Variants in IDNK observed in about 807,000 individuals in gnomAD.
IDNK encodes IDNK gluconokinase, also known as gluconokinase.
A neutral mutation model predicts 13.0 loss-of-function variants in IDNK; 9 were observed. That is an observed-to-expected ratio of 0.69 (90% CI 0.42 to 1.21). IDNK has a LOEUF of 1.21. Among genes scored for constraint, IDNK ranks in the 50% most tolerant of loss-of-function variants. The pLI is 0.00. For synonymous variants in IDNK, 92 were observed against 94.9 expected, an observed-to-expected ratio of 0.97 and a Z score of 0.18; for missense variants, 210 against 237.8, an observed-to-expected ratio of 0.88 and a Z score of 0.77.
intron 1 of IDNK, chr9:83,626,553 G>T: frequency 2.2e-6 from 1 of 459,696 alleles, no homozygotes; most frequent in South Asian, 1.6e-5. Flanking sequence ...AGTAACTGGG[G>T]TTACAGGCGT....
At chr9:83,631,451 G>GAAAAAAAA (rs57832482) in intron 3 of IDNK, among the ~76,000 whole-genome samples, 6,973 of 56,502 alleles carry the variant, frequency 0.12, 1,124 homozygotes, top group East Asian at 0.39. Flanking sequence ...TACAAAAACT[G>GAAAAAAAA]AAAAAAAAAA....
intron 1 of IDNK, among the ~76,000 whole-genome samples, chr9:83,627,853 C>CAAAAAAAAAA (rs149062579): frequency 1.4e-5 from 1 of 73,954 alleles, no homozygotes. Context: ...ATCCCCACCA[C>CAAAAAAAAAA]AAAAAAAAAA....
rs377312150 is a variant in IDNK at position 83,623,437 on chromosome 9, G to A, written c.50+216G>A. 1.3e-4 allele frequency: 70 copies of A among 555,432 alleles called. No homozygotes were observed. The Middle Eastern group carries it at 1.6e-3, about 13-fold the overall frequency. The allele number at this position is 555,432 out of a possible 1,614,324, so 34.4% of individuals were successfully genotyped here. ...ATCCTGGGACCGCATCCGAGCTCCG[G>A]GTTCCCGCTCTAAGACGGGGAGGCT... On this transcript the variant is annotated intron_variant, in intron 1 of 4. Coordinates refer to ENST00000376419, the MANE Select transcript of IDNK (RefSeq NM_001001551.4).
chr9:83,623,389 T>C, intron 1 of IDNK, 168 bp downstream of exon 1: 1 of 652,634 alleles, frequency 1.5e-6, no homozygotes, highest in Admixed American at 3.0e-5. Context: ...CTCCCCGCCC[T>C]CCAGCCTGCT....
intron 3 of IDNK, among the ~76,000 whole-genome samples, chr9:83,639,444 G>A (rs1228658861): frequency 2.6e-5 from 4 of 152,126 alleles, no homozygotes; most frequent in Admixed American, 6.5e-5. Context: ...AAAACAAACT[G>A]GGCACATGTT....
chr9:83,634,531 T>C (rs1414193020), intron 3 of IDNK, among the ~76,000 whole-genome samples: 1 of 152,238 alleles, frequency 6.6e-6, no homozygotes, highest in Non-Finnish European at 1.5e-5. Context: ...AAATATGTTT[T>C]CTGTAATTTT....
intron 3 of IDNK, among the ~76,000 whole-genome samples, chr9:83,634,713 G>A (rs1831117803): frequency 6.6e-6 from 1 of 152,198 alleles, no homozygotes. Flanking sequence ...CAGATGGAAT[G>A]GCGGAATGTA....
At chr9:83,632,495 C>T (rs780369687) in intron 3 of IDNK, among the ~76,000 whole-genome samples, 1 of 137,558 alleles carries the variant, frequency 7.3e-6, no homozygotes, top group African/African-American at 2.7e-5. Context: ...CTGGGCCACA[C>T]TGGAAGAAGA....
intron 3 of IDNK, among the ~76,000 whole-genome samples, chr9:83,634,079 C>CTG: frequency 6.6e-6 from 1 of 152,348 alleles, no homozygotes; most frequent in East Asian, 1.9e-4. Context: ...AATTTCTACA[C>CTG]TGGCGCTGCC....
At position 83,624,090 on chromosome 9, in the gene IDNK, C is replaced by G. The variant is rs188889813; in HGVS notation, c.50+869C>G. ...ATTTACTCCAGGTAGATGGGTTTTGCTTTCCAAAATTATTGTAGGGTTCTC... is the reference window on the plus strand; with the variant it reads ...ATTTACTCCAGGTAGATGGGTTTTGGTTTCCAAAATTATTGTAGGGTTCTC... On this transcript the variant is annotated intron_variant, in intron 1 of 4. Transcript: ENST00000376419. Among the ~76,000 whole-genome samples, 85 of 152,282 alleles carry G rather than the reference C, an allele frequency of 5.6e-4. 1 individual carries two copies. Among genetic ancestry groups the G allele is most frequent in the African/African-American group, 2.0e-3 (82 of 41,562 alleles).
chr9:83,628,001 GA>G, intron 1 of IDNK, 179 bp from the exon 2 acceptor site: 1 of 1,389,820 alleles, frequency 7.2e-7, no homozygotes, highest in Non-Finnish European at 9.3e-7. Context: ...CATTCGTGGG[GA>G]TCAGCTAAGG....
In IDNK at chr9:83,628,168, G is replaced by A. The variant is rs1039133120; in HGVS notation, c.51-13G>A. 1.9e-6 allele frequency: 3 copies of A among 1,550,394 alleles called. No individual in the cohort carries two copies. Among genetic ancestry groups the A allele is most frequent in the South Asian group, 1.2e-5 (1 of 84,068 alleles). On this transcript the variant is annotated splice_polypyrimidine_tract_variant and intron_variant, in intron 1 of 4. Coordinates refer to ENST00000376419, the MANE Select transcript of IDNK (RefSeq NM_001001551.4). ...GCAGGGCAGTAACGGGAACATCTGT[G>A]TCCTCTCCACAGATCCACCGTGGGC...
rs574528166 is a variant in IDNK at position 83,641,190 on chromosome 9, A to C, written c.169-358A>C. Among the ~76,000 whole-genome samples, 11 of 152,352 alleles carry C rather than the reference A, an allele frequency of 7.2e-5. No homozygotes were observed. The South Asian group carries it at 2.3e-3, about 32-fold the overall frequency. On this transcript the variant is annotated intron_variant, in intron 3 of 4. Transcript: ENST00000376419. ...ACAGCTGACGTAAGGGTTTATGTGAATATCTCTCTACATTTGAGATCAGAG... is the reference window on the plus strand; with the variant it reads ...ACAGCTGACGTAAGGGTTTATGTGACTATCTCTCTACATTTGAGATCAGAG...
chr9:83,632,416 G>C (rs762734023), intron 3 of IDNK, among the ~76,000 whole-genome samples: 1 of 152,086 alleles, frequency 6.6e-6, no homozygotes, highest in Non-Finnish European at 1.5e-5. Flanking sequence ...GGAGTCGGGA[G>C]TGCACTGCCT....
At chr9:83,626,270 C>T (rs1830845349) in intron 1 of IDNK, among the ~76,000 whole-genome samples, 1 of 152,126 alleles carries the variant, frequency 6.6e-6, no homozygotes, top group African/African-American at 2.4e-5. Flanking sequence ...ATTCAAGAGT[C>T]CAGGTGTTCT....
intron 4 of IDNK, 133 bp downstream of exon 4, chr9:83,641,724 C>T (rs1831315193): frequency 1.1e-6 from 1 of 908,888 alleles, no homozygotes; most frequent in Non-Finnish European, 1.7e-6. Flanking sequence ...ACTGGCTGCA[C>T]TTCTATCAGG....
At position 83,643,630 on chromosome 9, in the gene IDNK, A is replaced by G; in HGVS notation, c.414A>G (p.Arg138=). 6.2e-7 allele frequency: 1 copy of G among 1,614,094 alleles called. No homozygotes were observed. Among genetic ancestry groups the G allele is most frequent in the Non-Finnish European group, 8.5e-7 (1 of 1,180,030 alleles). ...TCATCTCTGGACGCTTACTCAAAAG[A>G]GAGGGACATTTTATGCCCCCTGAAT... ...FEVISGRLLK[R]EGHFMPPELL... is the part of the protein sequence containing the mutation. Residue 138 remains arginine, a synonymous_variant, in exon 5 of 5, where the codon AGA becomes AGG. Transcript: ENST00000376419.
intron 3 of IDNK, among the ~76,000 whole-genome samples, chr9:83,641,126 A>C (rs1172447395): frequency 6.6e-6 from 1 of 152,080 alleles, no homozygotes; most frequent in Non-Finnish European, 1.5e-5. Flanking sequence ...TCTGAGGGGA[A>C]TTTTGTTCTT....
chr9:83,642,951 T>G (rs1341792939), intron 4 of IDNK, among the ~76,000 whole-genome samples: 1 of 151,846 alleles, frequency 6.6e-6, no homozygotes, highest in African/African-American at 2.4e-5. Context: ...CACTGTAGAG[T>G]AGGAATGGGG....
Sources: allele counts gnomAD v4.1 joint callset (sites outside exome capture counted in the v4.1 genomes callset), GRCh38; gene constraint gnomAD v4.1.1; transcripts MANE v1.5; gene names NCBI Gene and HGNC (gene_info 2026-07-23, HGNC 2026-07-21).